Variants in HCN1 observed in about 807,000 individuals in gnomAD.
HCN1 encodes potassium/sodium hyperpolarization-activated cyclic nucleotide-gated channel 1.
In HCN1, 13 loss-of-function variants were observed where a neutral mutation model predicts 78.9. The ratio of observed to expected loss-of-function variants is 0.16; its 90% CI spans 0.11 to 0.26. HCN1 has a LOEUF of 0.26. Among genes scored for constraint, HCN1 ranks in the 10% least tolerant of loss-of-function variants. The pLI is 1.00. For missense variants in HCN1, 810 were observed against 1,154.3 expected, an observed-to-expected ratio of 0.70 and a Z score of 4.32; for synonymous variants, 552 against 455.5, an observed-to-expected ratio of 1.21 and a Z score of -2.70.
chr5:45,650,639 A>T (rs1580018992), intron 1 of HCN1, among the ~76,000 whole-genome samples: 1 of 152,086 alleles, frequency 6.6e-6, no homozygotes, highest in East Asian at 1.9e-4. Context: ...TATAATATTA[A>T]CTACTAATAA....
chr5:45,490,014 T>C (rs1339152172), intron 2 of HCN1, among the ~76,000 whole-genome samples: 1 of 152,230 alleles, frequency 6.6e-6, no homozygotes, highest in Non-Finnish European at 1.5e-5. Flanking sequence ...TTCTGTATTT[T>C]ACTTGGCAAA....
chr5:45,470,692 C>T lies in HCN1; in HGVS notation c.850-8685G>A, dbSNP rs188585113. Among the ~76,000 whole-genome samples, 16 of 151,954 alleles carry T rather than the reference C, an allele frequency of 1.1e-4. No individual in the cohort carries two copies. The East Asian group carries it at 3.1e-3, about 29-fold the overall frequency. ...TGGAAGCATCCTTAAAAGTAATAAG[C>T]CTTATTTGTATAAGTTTGATTTTTC... On this transcript the variant is annotated intron_variant, in intron 2 of 7. Coordinates refer to ENST00000303230, the MANE Select transcript of HCN1 (RefSeq NM_021072.4).
At position 45,302,836 on chromosome 5, in the gene HCN1, G is replaced by T. The variant is rs373872388; in HGVS notation, c.1618+763C>A. 2.1e-4 allele frequency among the ~76,000 whole-genome samples: 32 copies of T among 151,810 alleles called. No individual in the cohort carries two copies. In the East Asian group the frequency reaches 6.3e-3, roughly 30 times the overall value. The stretch of plus-strand genomic sequence containing the variant: ...CACAAGATCTGATGGGTTCATCAGG[G>T]GTTTCTGCTTTTGCTTTTTCCTCAT... On this transcript the variant is annotated intron_variant, in intron 6 of 7. Coordinates refer to ENST00000303230, the MANE Select transcript of HCN1 (RefSeq NM_021072.4).
intron 2 of HCN1, among the ~76,000 whole-genome samples, chr5:45,616,324 C>T (rs1744953575): frequency 6.6e-6 from 1 of 151,848 alleles, no homozygotes; most frequent in South Asian, 2.1e-4. Context: ...TTATCAGATG[C>T]TCAATTTGAA....
intron 2 of HCN1, among the ~76,000 whole-genome samples, chr5:45,481,389 G>T (rs1741648181): frequency 1.3e-5 from 2 of 152,132 alleles, no homozygotes; most frequent in Admixed American, 1.3e-4. Context: ...TGGCTCCTTT[G>T]CATTTTTTCA....
chr5:45,612,093 A>T (rs1744850524), intron 2 of HCN1, among the ~76,000 whole-genome samples: 1 of 152,150 alleles, frequency 6.6e-6, no homozygotes, highest in Admixed American at 6.5e-5. Context: ...GTGATAACTG[A>T]TCTCCCAGTA....
intron 2 of HCN1, among the ~76,000 whole-genome samples, chr5:45,616,751 T>C (rs1453910271): frequency 6.6e-6 from 1 of 152,044 alleles, no homozygotes. Context: ...GATTGAAATA[T>C]ATGTGTGATA....
intron 1 of HCN1, among the ~76,000 whole-genome samples, chr5:45,660,157 T>G (rs1745898016): frequency 8.2e-6 from 1 of 121,308 alleles, no homozygotes; most frequent in African/African-American, 3.7e-5. Flanking sequence ...TTCAACATTC[T>G]TAAAGAAAAG....
At chr5:45,614,826 C>A (rs1260448387) in intron 2 of HCN1, among the ~76,000 whole-genome samples, 1 of 152,002 alleles carries the variant, frequency 6.6e-6, no homozygotes, top group African/African-American at 2.4e-5. Flanking sequence ...TGTTACCCCA[C>A]TTCCATATTT....
chr5:45,359,526 A>G (rs181068024), intron 4 of HCN1, among the ~76,000 whole-genome samples: 2 of 151,958 alleles, frequency 1.3e-5, no homozygotes, highest in South Asian at 2.1e-4. Flanking sequence ...ATTGGCATCA[A>G]TACACATCAA....
intron 3 of HCN1, among the ~76,000 whole-genome samples, chr5:45,425,297 T>G (rs1740322556): frequency 6.6e-6 from 1 of 152,248 alleles, no homozygotes; most frequent in South Asian, 2.1e-4. Flanking sequence ...TAACTCCATC[T>G]GTGTGGCATT....
At chr5:45,611,146 G>C (rs1224404374) in intron 2 of HCN1, among the ~76,000 whole-genome samples, 3 of 150,794 alleles carry the variant, frequency 2.0e-5, no homozygotes, top group Non-Finnish European at 4.4e-5. Context: ...AACCTCCCGG[G>C]TTCAAGACAT....
chr5:45,351,906 G>C (rs1232052579), intron 5 of HCN1, among the ~76,000 whole-genome samples: 1 of 152,094 alleles, frequency 6.6e-6, no homozygotes, highest in Admixed American at 6.5e-5. Flanking sequence ...TGGAGAAATA[G>C]GAACACTTTT....
intron 3 of HCN1, among the ~76,000 whole-genome samples, chr5:45,404,877 G>A (rs1381336986): frequency 6.6e-6 from 1 of 151,848 alleles, no homozygotes; most frequent in Non-Finnish European, 1.5e-5. Flanking sequence ...TTTAATTTAG[G>A]GGGCCAAAAC....
At chr5:45,269,465 G>A (rs1469643772) in intron 6 of HCN1, among the ~76,000 whole-genome samples, 1 of 151,826 alleles carries the variant, frequency 6.6e-6, no homozygotes, top group African/African-American at 2.4e-5. Flanking sequence ...CTTGTGTGTT[G>A]AATGTTTTCT....
At chr5:45,519,590 A>C (rs991469031) in intron 2 of HCN1, among the ~76,000 whole-genome samples, 1 of 151,986 alleles carries the variant, frequency 6.6e-6, no homozygotes, top group Non-Finnish European at 1.5e-5. Flanking sequence ...AGTCAACAAA[A>C]AGAAATATAT....
Position 45,353,102 on chromosome 5 carries a change from C to G in HCN1, c.1375G>C (p.Glu459Gln), listed in dbSNP as rs1375816918. 11 of 1,609,700 alleles carry G rather than the reference C, an allele frequency of 6.8e-6. No homozygotes were observed. Among genetic ancestry groups the G allele is most frequent in the Non-Finnish European group, 8.5e-6 (10 of 1,177,314 alleles). Reference protein sequence around the residue: ...ILNELNDPLREEIVNFNCRKL... With the variant: ...ILNELNDPLRQEIVNFNCRKL... ...ATACTGAGGACAATAAATCTTACCT[C>G]TCTCAGAGGATCATTGAGTTCATTG... is the stretch of plus-strand genomic sequence containing the variant. Residue 459 changes from glutamate (E) to glutamine (Q), a missense_variant and splice_region_variant, in exon 5 of 8, where the codon GAG becomes CAG. Around this residue, in one of 6 missense-constraint regions of HCN1, gnomAD observed 100 missense variants for 126.8 expected, o/e 0.79. Coordinates refer to ENST00000303230, the MANE Select transcript of HCN1 (RefSeq NM_021072.4).
intron 1 of HCN1, 36 bp downstream of exon 1, chr5:45,695,633 T>G (rs746084317): frequency 1.9e-6 from 3 of 1,592,798 alleles, no homozygotes; most frequent in Admixed American, 3.4e-5. Context: ...AGGGCGCGCC[T>G]GAAGGGAGGG....
At chr5:45,506,104 T>C (rs1474385953) in intron 2 of HCN1, among the ~76,000 whole-genome samples, 1 of 152,166 alleles carries the variant, frequency 6.6e-6, no homozygotes, top group African/African-American at 2.4e-5. Flanking sequence ...ATGATAACTG[T>C]AATTCACAAT....
Sources: allele counts gnomAD v4.1 joint callset (sites outside exome capture counted in the v4.1 genomes callset), GRCh38; gene constraint gnomAD v4.1.1; regional missense constraint gnomAD v4.1.1; transcripts MANE v1.5; gene names NCBI Gene and HGNC (gene_info 2026-07-23, HGNC 2026-07-21).